DERL2: variants seen among roughly 807,000 people sequenced by gnomAD.
DERL2 encodes the protein derlin 2.
In DERL2, 13 loss-of-function variants were observed where a neutral mutation model predicts 32.0. That is an observed-to-expected ratio of 0.41 (90% CI 0.26 to 0.65). The LOEUF (loss-of-function observed/expected upper bound fraction) is 0.65. Ranked by LOEUF, DERL2 falls within the 30% of genes least tolerant of loss-of-function variation. The pLI is 0.35. For missense variants in DERL2, 208 were observed against 296.3 expected, an observed-to-expected ratio of 0.70 and a Z score of 2.19; for synonymous variants, 111 against 104.7, an observed-to-expected ratio of 1.06 and a Z score of -0.37.
At position 5,480,511 on chromosome 17, in the gene DERL2, G is replaced by A. The variant is rs148853119; in HGVS notation, c.399C>T (p.Ser133=). The change falls in exon 5 of 7, where the codon AGC becomes AGT. Residue 133 remains serine, a synonymous_variant. Coordinates refer to ENST00000158771, the MANE Select transcript of DERL2 (RefSeq NM_016041.5). ...AFTIMLVYVW[S]RRNPYVRMNF... ...TCATGCGGACATAGGGGTTCCTTCG[G>A]CTCCACACATAGACGAGCATTATTG... is the stretch of plus-strand genomic sequence containing the variant. 7.0e-5 allele frequency: 112 copies of A among 1,606,960 alleles called. No homozygotes were observed. The African/African-American group carries it at 1.2e-3, about 17-fold the overall frequency.
Position 5,480,157 on chromosome 17 carries a change from A to G in DERL2, c.524-13T>C, listed in dbSNP as rs1292968812. On this transcript the variant is annotated splice_polypyrimidine_tract_variant and intron_variant, in intron 5 of 6. Transcript: ENST00000158771. Reference sequence around the variant, plus strand: ...CCAACTGCAATACCTAGAGTCAAGCAGAAATAAAGGATGAGGGAGAGAATT... The same window carrying G: ...CCAACTGCAATACCTAGAGTCAAGCGGAAATAAAGGATGAGGGAGAGAATT... The G allele has an allele frequency of 6.4e-7, 1 of 1,555,702 alleles. No homozygotes were observed. Among genetic ancestry groups the G allele is most frequent in the East Asian group, 2.2e-5 (1 of 44,468 alleles).
intron 6 of DERL2, among the ~76,000 whole-genome samples, chr17:5,477,574 T>G (rs1905475743): frequency 6.6e-6 from 1 of 152,238 alleles, no homozygotes. Flanking sequence ...CATTTTGGAT[T>G]GGAAAGCTAG....
Position 5,472,132 on chromosome 17 carries a change from A to G in DERL2, c.*2552T>C, listed in dbSNP as rs777630474. The G allele has an allele frequency of 2.0e-5, 3 of 152,242 alleles. No homozygotes were observed. Among genetic ancestry groups the G allele is most frequent in the Non-Finnish European group, 2.9e-5 (2 of 68,040 alleles). 9.4% of individuals were successfully genotyped at this position (152,242 alleles called of 1,614,324 possible). ...GGAGATGCAATTTGTATGTCCATTT[A>G]TTTTTAAATGAACGTATACCGTATT... On this transcript the variant is annotated 3_prime_UTR_variant, in exon 7 of 7. Transcript: ENST00000158771.
chr17:5,486,186 C>G (rs535916698), upstream of DERL2: 28 of 1,083,532 alleles, frequency 2.6e-5, no homozygotes, highest in South Asian at 1.8e-4. Context: ...CCTGCCCCAC[C>G]CCCCACCCAC....
Position 5,474,730 on chromosome 17 carries a change from C to A in DERL2, c.674G>T (p.Arg225Leu), listed in dbSNP as rs1159652396. The change falls in exon 7 of 7, where the codon CGG (arginine) becomes CTG (leucine). Residue 225 changes from arginine to leucine, a missense_variant. Physicochemically the swap from Arg to Leu is moderately radical, Grantham distance 102. Transcript: ENST00000158771. The surrounding 1 kb of genome is among the most constrained non-coding windows in gnomAD (Gnocchi z 4.3). Reference protein sequence around the residue: ...DPNYNPLPEERPGGFAWGEGQ... With the variant: ...DPNYNPLPEELPGGFAWGEGQ... ...CTCACCCCAGGCGAAGCCTCCTGGCCGTTCCTCAGGTAGTGGATTGTAATT... is the reference window on the plus strand; with the variant it reads ...CTCACCCCAGGCGAAGCCTCCTGGCAGTTCCTCAGGTAGTGGATTGTAATT... 1.2e-6 allele frequency: 2 copies of A among 1,613,880 alleles called. No individual in the cohort carries two copies. The highest frequency in any genetic ancestry group is 8.5e-7 in the Non-Finnish European group (1 of 1,179,940).
At position 5,480,401 on chromosome 17, in the gene DERL2, A is replaced by G. The variant is rs1905696538; in HGVS notation, c.509T>C (p.Ile170Thr). Residue 170 changes from isoleucine (I) to threonine (T), a missense_variant, in exon 5 of 7, where the codon ATT (isoleucine) becomes ACT (threonine). Ile to Thr is a moderately conservative substitution (Grantham distance 89). Coordinates refer to ENST00000158771, the MANE Select transcript of DERL2 (RefSeq NM_016041.5). Reference protein sequence around the residue: ...GFSLLLGNSIIVDLLGIAVGH... With the variant: ...GFSLLLGNSITVDLLGIAVGH... ...AAGAGCCTTACCCAAAAGGTCCACA[A>G]TGATTGAGTTCCCCAACAACAAGGA... 6.2e-7 allele frequency: 1 copy of G among 1,613,622 alleles called. No homozygotes were observed. The highest frequency in any genetic ancestry group is 8.5e-7 in the Non-Finnish European group (1 of 1,179,920).
rs1291139650 is a variant in DERL2, at chr17:5,471,575, C to T, written c.*3109G>A. On this transcript the variant is annotated 3_prime_UTR_variant, in exon 7 of 7. Transcript: ENST00000158771. ...GAACTGAAGAGACTTAAGTTGAGGTCCCTGTTAGGTAGAAGTGGGAGTAAA... is the reference window on the plus strand; with the variant it reads ...GAACTGAAGAGACTTAAGTTGAGGTTCCTGTTAGGTAGAAGTGGGAGTAAA... 1 of 152,024 alleles carries T rather than the reference C, an allele frequency of 6.6e-6. No individual in the cohort carries two copies. Among genetic ancestry groups the T allele is most frequent in the Non-Finnish European group, 1.5e-5 (1 of 68,000 alleles). 9.4% of individuals were successfully genotyped at this position (152,024 alleles called of 1,614,324 possible).
chr17:5,486,358 C>CA (rs1257003193), upstream of DERL2: 2 of 453,634 alleles, frequency 4.4e-6, no homozygotes, highest in Non-Finnish European at 3.9e-6. Flanking sequence ...TCGCCACCGC[C>CA]CCCCCCCAGC....
At position 5,486,132 on chromosome 17, in the gene DERL2, G is replaced by A. The variant is rs1315496953; in HGVS notation, c.30C>T (p.Tyr10=). Residue 10 remains tyrosine, a synonymous_variant, in exon 1 of 7, where the codon TAC becomes TAT. Transcript: ENST00000158771. ...CGCGGCTGACCGGTGGGATCTGCAG[G>A]TACTCCAGCCGCAAGCTCTGGTACG... The part of the protein sequence containing the change: MAYQSLRLE[Y]LQIPPVSRAY... 1.1e-5 allele frequency: 18 copies of A among 1,609,372 alleles called. No homozygotes were observed. The highest frequency in any genetic ancestry group is 1.4e-5 in the Non-Finnish European group (17 of 1,178,072).
chr17:5,486,310 A>G, upstream of DERL2: 1 of 573,288 alleles, frequency 1.7e-6, no homozygotes, highest in South Asian at 2.3e-5. Context: ...CAATCCGTAG[A>G]GACCTAAGGA....
Position 5,480,412 on chromosome 17 carries a change from C to T in DERL2, c.498G>A (p.Gly166=). 6.2e-7 allele frequency: 1 copy of T among 1,613,738 alleles called. No individual in the cohort carries two copies. The highest frequency in any genetic ancestry group is 8.5e-7 in the Non-Finnish European group (1 of 1,179,934). Residue 166 remains glycine, a synonymous_variant, in exon 5 of 7, where the codon GGG becomes GGA. Transcript: ENST00000158771. ...WVLMGFSLLL[G]NSIIVDLLGI... ...CCAAAAGGTCCACAATGATTGAGTT[C>T]CCCAACAACAAGGAAAATCCCATGA...
Position 5,484,556 on chromosome 17 carries a change from C to T in DERL2, c.159+595G>A, listed in dbSNP as rs115247366. On this transcript the variant is annotated intron_variant, in intron 2 of 6. Transcript: ENST00000158771. The stretch of plus-strand genomic sequence containing the variant: ...AGCCACTGTGCCCAGCCTCTTTTGG[C>T]ATTTTAATCACTGGAAAGGACCATC... Among the ~76,000 whole-genome samples the T allele has an allele frequency of 4.1e-3, 632 of 152,330 alleles. 1 individual carries two copies. The highest frequency in any genetic ancestry group is 0.015 in the African/African-American group (610 of 41,584).
intron 6 of DERL2, chr17:5,477,747 C>G (rs1459283742): frequency 6.6e-6 from 1 of 152,006 alleles, no homozygotes; most frequent in African/African-American, 2.4e-5. Flanking sequence ...TAGAATGAAC[C>G]ATGAGGTAGT....
chr17:5,478,161 C>T (rs780405184), intron 6 of DERL2, among the ~76,000 whole-genome samples: 8 of 151,934 alleles, frequency 5.3e-5, no homozygotes, highest in Non-Finnish European at 1.0e-4. Flanking sequence ...GACTGGAGTT[C>T]GAGACTAGCC....
Position 5,485,353 on chromosome 17 carries a change from C to T in DERL2, c.94-137G>A, listed in dbSNP as rs1282432897. ...TTCCTTTAAGCCTTTCTTCTTAGGC[C>T]AGAGGAAGAGGTTGGTAAAGAATTC... On this transcript the variant is annotated intron_variant, in intron 1 of 6. Coordinates refer to ENST00000158771, the MANE Select transcript of DERL2 (RefSeq NM_016041.5). 1.2e-5 allele frequency: 7 copies of T among 560,096 alleles called. No individual in the cohort carries two copies. The East Asian group carries it at 2.2e-4, about 18-fold the overall frequency. 34.7% of individuals were successfully genotyped at this position (560,096 alleles called of 1,614,324 possible).
At chr17:5,484,013 G>C (rs1035495103) in intron 2 of DERL2, among the ~76,000 whole-genome samples, 2 of 151,284 alleles carry the variant, frequency 1.3e-5, no homozygotes, top group African/African-American at 4.8e-5. Flanking sequence ...ACAAGCATAC[G>C]CATAACTGCA....
rs1158464432 is a variant in DERL2, at chr17:5,481,434, A to G, written c.234-45T>C. The G allele has an allele frequency of 5.8e-6, 8 of 1,375,122 alleles. No homozygotes were observed. The highest frequency in any genetic ancestry group is 1.2e-5 in the South Asian group (1 of 85,154). The allele number at this position is 1,375,122 out of a possible 1,614,324, so 85.2% of individuals were successfully genotyped here. On this transcript the variant is annotated intron_variant, in intron 3 of 6. Coordinates refer to ENST00000158771, the MANE Select transcript of DERL2 (RefSeq NM_016041.5). This position sits in a 1 kb window ranked among gnomAD's most constrained non-coding sequence, Gnocchi z 4.4. Reference sequence around the variant, plus strand: ...AAATATTAAGCACACGAATATGAACAAAGTAAAAATTTAATGTTATCTTGT... The same window carrying G: ...AAATATTAAGCACACGAATATGAACGAAGTAAAAATTTAATGTTATCTTGT...
intron 3 of DERL2, 44 bp downstream of exon 3, chr17:5,482,765 C>G: frequency 8.9e-7 from 1 of 1,122,160 alleles, no homozygotes; most frequent in East Asian, 2.4e-5. Context: ...TTTTTTACTT[C>G]CTAAGAAAAA....
rs945548085 is a variant in DERL2, at chr17:5,482,203, A to T, written c.233+606T>A. ...ATAGGATATAAAATGGATTCCTGCC[A>T]TCCTCAGGAAGGAATGCAGCTGCAG... is the stretch of plus-strand genomic sequence containing the variant. On this transcript the variant is annotated intron_variant, in intron 3 of 6. Coordinates refer to ENST00000158771, the MANE Select transcript of DERL2 (RefSeq NM_016041.5). 3.3e-5 allele frequency: 5 copies of T among 152,430 alleles called. No individual in the cohort carries two copies. In the East Asian group the frequency reaches 9.6e-4, roughly 29 times the overall value. The allele number at this position is 152,430 out of a possible 1,614,324, so 9.4% of individuals were successfully genotyped here.
Sources: allele counts gnomAD v4.1 joint callset (sites outside exome capture counted in the v4.1 genomes callset), GRCh38; gene constraint gnomAD v4.1.1; non-coding constraint Gnocchi (gnomAD v3.1); transcripts MANE v1.5; gene names NCBI Gene and HGNC (gene_info 2026-07-23, HGNC 2026-07-21).